ERC1: variants seen among roughly 807,000 people sequenced by gnomAD.
ERC1 encodes the protein RAB6 interacting protein 2.
ERC1 carries 56 observed loss-of-function variants against 132.0 expected under a neutral mutation model. That is an observed-to-expected ratio of 0.42 (90% CI 0.34 to 0.53). ERC1 has a LOEUF of 0.53. Ranked by LOEUF, ERC1 falls within the 20% of genes least tolerant of loss-of-function variation. The probability of loss-of-function intolerance (pLI) is 0.03; values close to 1 mark genes in which losing one functional copy is unlikely to be tolerated. For synonymous variants in ERC1, 478 were observed against 476.1 expected, an observed-to-expected ratio of 1.00 and a Z score of -0.05; for missense variants, 1,202 against 1,349.9, an observed-to-expected ratio of 0.89 and a Z score of 1.72.
chr12:1,432,472 T>C (rs900761752), intron 17 of ERC1, among the ~76,000 whole-genome samples: 1 of 152,218 alleles, frequency 6.6e-6, no homozygotes, highest in Non-Finnish European at 1.5e-5. Context: ...GGCATTAAAA[T>C]GTCCTCAGGG....
intron 12 of ERC1, chr12:1,204,558 T>C: frequency 6.4e-7 from 1 of 1,556,532 alleles, no homozygotes; most frequent in Non-Finnish European, 8.7e-7. Flanking sequence ...TTGAGCGTTG[T>C]TTGCGAATAT....
At position 1,096,844 on chromosome 12, in the gene ERC1, C is replaced by T. The variant is rs370896574; in HGVS notation, c.1087-7906C>T. ...TTCACAGCCACCCAGAAGTCCTGTA[C>T]GTGAACCAACCCAGCCAGAACTCTC... On this transcript the variant is annotated intron_variant, in intron 3 of 18. Coordinates refer to ENST00000360905, the MANE Select transcript of ERC1 (RefSeq NM_178040.4). Among the ~76,000 whole-genome samples, 42 of 152,282 alleles carry T rather than the reference C, an allele frequency of 2.8e-4. No homozygotes were observed. In the South Asian group the frequency reaches 6.8e-3, roughly 25 times the overall value.
At chr12:1,426,524 A>G (rs1023386578) in intron 17 of ERC1, among the ~76,000 whole-genome samples, 2 of 152,232 alleles carry the variant, frequency 1.3e-5, no homozygotes, top group African/African-American at 4.8e-5. Flanking sequence ...TTTGTTAAAC[A>G]TTAATATTCT....
At chr12:1,268,594 G>C (rs1235837782) in intron 14 of ERC1, among the ~76,000 whole-genome samples, 2 of 152,082 alleles carry the variant, frequency 1.3e-5, no homozygotes, top group African/African-American at 2.4e-5. Context: ...TCCCGGAGGA[G>C]ATTCTATGTG....
chr12:1,147,078 A>C (rs1018650439), intron 8 of ERC1, among the ~76,000 whole-genome samples: 24 of 152,358 alleles, frequency 1.6e-4, no homozygotes, highest in African/African-American at 5.5e-4. Context: ...GTGCCGCAAT[A>C]AACATACGTG....
chr12:1,039,438 G>A (rs923267856), intron 2 of ERC1, among the ~76,000 whole-genome samples: 1 of 151,860 alleles, frequency 6.6e-6, no homozygotes, highest in Non-Finnish European at 1.5e-5. Context: ...GCTAGGGCAG[G>A]AGGATAGTTT....
intron 2 of ERC1, among the ~76,000 whole-genome samples, chr12:1,040,683 T>C (rs1211807214): frequency 2.0e-5 from 3 of 152,218 alleles, no homozygotes; most frequent in African/African-American, 7.2e-5. Context: ...TTTCCATATA[T>C]TAACAATACT....
chr12:1,143,329 CGTGT>C (rs4017792), intron 8 of ERC1, among the ~76,000 whole-genome samples: 16,646 of 128,608 alleles, frequency 0.13, 1,154 homozygotes, highest in Admixed American at 0.24. Flanking sequence ...GCTTTTGACT[CGTGT>C]GTGTGTGTGT....
intron 15 of ERC1, among the ~76,000 whole-genome samples, chr12:1,292,780 G>A (rs554744056): frequency 1.8e-4 from 28 of 152,330 alleles, no homozygotes; most frequent in African/African-American, 6.7e-4. Flanking sequence ...GGAGGCCGAG[G>A]CGGGTGGATC....
At chr12:1,226,725 G>A (rs2074605309) in intron 12 of ERC1, among the ~76,000 whole-genome samples, 3 of 152,162 alleles carry the variant, frequency 2.0e-5, no homozygotes. Flanking sequence ...CACCCAGGCT[G>A]GAGTGCAGTG....
chr12:1,084,869 A>T (rs1593198968), intron 3 of ERC1, among the ~76,000 whole-genome samples: 1 of 150,398 alleles, frequency 6.6e-6, no homozygotes, highest in African/African-American at 2.4e-5. Flanking sequence ...TTTTTAAATT[A>T]AAAAAAAAAT....
rs148039800 is a variant in ERC1, at chr12:1,127,985, G to C, written c.1569+11952G>C. 2.3e-3 allele frequency among the ~76,000 whole-genome samples: 354 copies of C among 152,324 alleles called. 1 individual carries two copies. Among genetic ancestry groups the C allele is most frequent in the African/African-American group, 7.5e-3 (311 of 41,570 alleles). ...CTCCTACCAGTATTAATGGCAATAT[G>C]AGAGACTGACTTATTCTCCTTGGCT... On this transcript the variant is annotated intron_variant, in intron 7 of 18. Coordinates refer to ENST00000360905, the MANE Select transcript of ERC1 (RefSeq NM_178040.4).
At chr12:1,068,581 T>C (rs1440082566) in intron 2 of ERC1, among the ~76,000 whole-genome samples, 1 of 129,486 alleles carries the variant, frequency 7.7e-6, no homozygotes, top group Non-Finnish European at 1.8e-5. Flanking sequence ...AAAATGATGT[T>C]AAAAGCCCTT....
chr12:1,456,427 A>G (rs1160240571), intron 18 of ERC1, among the ~76,000 whole-genome samples: 2 of 152,100 alleles, frequency 1.3e-5, no homozygotes, highest in East Asian at 3.9e-4. Flanking sequence ...TGTTGTTGAA[A>G]TAATGAATTC....
chr12:1,296,499 C>T (rs951143819), intron 15 of ERC1, among the ~76,000 whole-genome samples: 15 of 149,146 alleles, frequency 1.0e-4, no homozygotes, highest in African/African-American at 2.5e-4. Flanking sequence ...CTGCAACCTC[C>T]GCCTCCTGGG....
chr12:1,076,717 T>C (rs2154185325), intron 2 of ERC1, among the ~76,000 whole-genome samples: 1 of 152,330 alleles, frequency 6.6e-6, no homozygotes, highest in Non-Finnish European at 1.5e-5. Context: ...GCATTATTTT[T>C]TTAAGGAAGA....
intron 16 of ERC1, among the ~76,000 whole-genome samples, chr12:1,373,910 G>A (rs1046900127): frequency 4.6e-5 from 7 of 152,188 alleles, no homozygotes; most frequent in Non-Finnish European, 2.9e-5. Context: ...TTTCTGTAGC[G>A]ATGTGTCCTG....
intron 7 of ERC1, among the ~76,000 whole-genome samples, chr12:1,133,732 A>G (rs545689254): frequency 6.6e-6 from 1 of 152,282 alleles, no homozygotes; most frequent in South Asian, 2.1e-4. Context: ...GCTGCTGTAT[A>G]TTAGATCCCC....
chr12:1,359,203 A>G (rs2085836298), intron 15 of ERC1, among the ~76,000 whole-genome samples: 2 of 152,154 alleles, frequency 1.3e-5, no homozygotes, highest in African/African-American at 4.8e-5. Flanking sequence ...TAGCATGGTG[A>G]GGGGTTGGAT....
Sources: gnomAD v4.1 joint callset for allele counts (sites outside exome capture counted in the v4.1 genomes callset) on GRCh38, gnomAD v4.1.1 for gene constraint, MANE v1.5 for transcripts, NCBI Gene and HGNC (gene_info 2026-07-23, HGNC 2026-07-21) for gene names.